Variants in METTL16 observed in about 807,000 individuals in gnomAD.
METTL16 encodes the protein RNA N(6)-adenosine-methyltransferase METTL16.
Under a neutral mutation model 57.9 loss-of-function variants are expected in METTL16, and 19 were observed. That is an observed-to-expected ratio of 0.33 (90% CI 0.23 to 0.48). METTL16 has a LOEUF of 0.48. Ranked by LOEUF, METTL16 falls within the 20% of genes least tolerant of loss-of-function variation. METTL16 has a pLI of 0.99. For missense variants in METTL16, 434 were observed against 691.5 expected, an observed-to-expected ratio of 0.63 and a Z score of 4.18; for synonymous variants, 246 against 255.6, an observed-to-expected ratio of 0.96 and a Z score of 0.36.
chr17:2,481,720 A>G (rs1320394280), intron 2 of METTL16, among the ~76,000 whole-genome samples: 1 of 152,244 alleles, frequency 6.6e-6, no homozygotes, highest in Non-Finnish European at 1.5e-5. Flanking sequence ...TAAGAGAACC[A>G]AAGGATTAGA....
At chr17:2,482,167 G>A (rs1385352565) in intron 2 of METTL16, among the ~76,000 whole-genome samples, 2 of 152,174 alleles carry the variant, frequency 1.3e-5, no homozygotes, top group African/African-American at 4.8e-5. Context: ...AATCAATTGA[G>A]ATAAATTAAG....
intron 2 of METTL16, among the ~76,000 whole-genome samples, chr17:2,493,981 CACAG>C (rs975626579): frequency 6.6e-6 from 1 of 152,268 alleles, no homozygotes; most frequent in African/African-American, 2.4e-5. Context: ...CCCATCGCCT[CACAG>C]ACACATTTCT....
At chr17:2,465,797 T>A (rs1489829331) in intron 5 of METTL16, among the ~76,000 whole-genome samples, 1 of 150,382 alleles carries the variant, frequency 6.6e-6, no homozygotes, top group African/African-American at 2.4e-5. Context: ...ACCTAGGAGG[T>A]GGAGGTTGCG....
intron 8 of METTL16, among the ~76,000 whole-genome samples, chr17:2,426,385 G>A (rs1380058703): frequency 6.6e-6 from 1 of 152,074 alleles, no homozygotes; most frequent in Non-Finnish European, 1.5e-5. Flanking sequence ...CTGACAGGTC[G>A]TTGTTTAAAA....
chr17:2,496,265 A>C (rs566667708), intron 2 of METTL16, among the ~76,000 whole-genome samples: 23 of 151,826 alleles, frequency 1.5e-4, no homozygotes, highest in Admixed American at 1.1e-3. Flanking sequence ...CTGTCTACTT[A>C]GTTAGAAATA....
Position 2,474,849 on chromosome 17 carries a change from G to A in METTL16, c.329-1185C>T, listed in dbSNP as rs185598303. ...GCAGGAGAATCGCTCGAACCTGGGAGGCGGAGGTTGCAGTGAGCCGAGATC... is the reference window on the plus strand; with the variant it reads ...GCAGGAGAATCGCTCGAACCTGGGAAGCGGAGGTTGCAGTGAGCCGAGATC... On this transcript the variant is annotated intron_variant, in intron 3 of 9. Transcript: ENST00000263092. Among the ~76,000 whole-genome samples the A allele has an allele frequency of 4.2e-4, 64 of 152,334 alleles. No homozygotes were observed. The East Asian group carries it at 0.012, about 28-fold the overall frequency.
intron 8 of METTL16, among the ~76,000 whole-genome samples, chr17:2,422,373 T>C (rs1218142229): frequency 1.3e-5 from 2 of 151,582 alleles, no homozygotes; most frequent in African/African-American, 4.8e-5. Flanking sequence ...CACCACTGTA[T>C]TGAAAATTTA....
At position 2,453,143 on chromosome 17, in the gene METTL16, A is replaced by C. The variant is rs568638583; in HGVS notation, c.728+11065T>G. On this transcript the variant is annotated intron_variant, in intron 6 of 9. Transcript: ENST00000263092. ...CCAAAGTGCTGGGATTACAGGTGTG[A>C]GCCGCTGCGCCCCCACGGAAACAAG... Among the ~76,000 whole-genome samples the C allele has an allele frequency of 1.0e-3, 153 of 152,306 alleles. 1 individual carries two copies. The highest frequency in any genetic ancestry group is 2.5e-3 in the South Asian group (12 of 4,820).
intron 7 of METTL16, among the ~76,000 whole-genome samples, chr17:2,440,662 T>A (rs995004462): frequency 3.3e-5 from 5 of 151,856 alleles, no homozygotes; most frequent in African/African-American, 4.8e-5. Flanking sequence ...ACTAGAAGAC[T>A]TGGTCCCAAA....
chr17:2,461,375 A>C (rs548066987), intron 6 of METTL16, among the ~76,000 whole-genome samples: 4 of 152,256 alleles, frequency 2.6e-5, no homozygotes, highest in South Asian at 4.1e-4. Context: ...AAAAAAACAA[A>C]AAACAAACAA....
chr17:2,506,689 G>C (rs2067538895), intron 1 of METTL16, among the ~76,000 whole-genome samples: 1 of 152,142 alleles, frequency 6.6e-6, no homozygotes, highest in Admixed American at 6.5e-5. Flanking sequence ...CGAGATTGCA[G>C]CCTCTGCCCA....
rs767312133 is a variant in METTL16, at chr17:2,441,532, T to C, written c.756A>G (p.Lys252=). ...CCTCCTTCAGAGGCGCCAGGCTGCA[T>C]TTCTTTCCCAGCATGCAGCTATACC... ...LRWYSCMLGK[K]CSLAPLKEEL... The change falls in exon 7 of 10, where the codon AAA becomes AAG. Residue 252 remains lysine, a synonymous_variant. Transcript: ENST00000263092. 3 of 1,597,614 alleles carry C rather than the reference T, an allele frequency of 1.9e-6. No homozygotes were observed. In the South Asian group the frequency reaches 3.4e-5, roughly 18 times the overall value.
At chr17:2,498,487 C>T (rs567065821) in intron 2 of METTL16, among the ~76,000 whole-genome samples, 1 of 151,484 alleles carries the variant, frequency 6.6e-6, no homozygotes, top group African/African-American at 2.4e-5. Context: ...CCTGTAATCC[C>T]AGTACTTTGG....
intron 7 of METTL16, among the ~76,000 whole-genome samples, chr17:2,438,470 A>G (rs2066923973): frequency 6.6e-6 from 1 of 152,174 alleles, no homozygotes; most frequent in African/African-American, 2.4e-5. Context: ...AGCTCTTTAG[A>G]GAATTATTTG....
intron 2 of METTL16, 64 bp from the exon 3 acceptor site, chr17:2,477,949 C>G (rs1264281749): frequency 1.4e-6 from 2 of 1,425,028 alleles, no homozygotes; most frequent in African/African-American, 2.8e-5. Flanking sequence ...ACAAGCTCTA[C>G]GGCAAACAGG....
At chr17:2,503,614 T>TA (rs369714776) in intron 1 of METTL16, among the ~76,000 whole-genome samples, 1 of 151,650 alleles carries the variant, frequency 6.6e-6, no homozygotes, top group African/African-American at 2.4e-5. Flanking sequence ...ATCCATACAA[T>TA]AAATATAGAT....
intron 2 of METTL16, among the ~76,000 whole-genome samples, chr17:2,484,250 T>G (rs1365397886): frequency 6.6e-6 from 1 of 152,200 alleles, no homozygotes; most frequent in South Asian, 2.1e-4. Flanking sequence ...AAGGAATAGC[T>G]ATTGGTACTA....
At chr17:2,452,741 G>GT (rs1372915934) in intron 6 of METTL16, among the ~76,000 whole-genome samples, 1 of 152,142 alleles carries the variant, frequency 6.6e-6, no homozygotes, top group Non-Finnish European at 1.5e-5. Flanking sequence ...CATTCTGTGT[G>GT]TATGTGTTTT....
chr17:2,471,866 C>T (rs924922637), intron 4 of METTL16, among the ~76,000 whole-genome samples: 1 of 152,026 alleles, frequency 6.6e-6, no homozygotes, highest in African/African-American at 2.4e-5. Flanking sequence ...ATCATTCCAA[C>T]GTTCTAGGAG....
Sources: allele counts gnomAD v4.1 joint callset (sites outside exome capture counted in the v4.1 genomes callset), GRCh38; gene constraint gnomAD v4.1.1; transcripts MANE v1.5; gene names NCBI Gene and HGNC (gene_info 2026-07-23, HGNC 2026-07-21).